The following SLC2A13 variants were observed in gnomAD, a reference collection of about 807,000 sequenced individuals.
SLC2A13 encodes the protein solute carrier family 2 member 13.
Under a neutral mutation model 64.4 loss-of-function variants are expected in SLC2A13, and 32 were observed. The observed-to-expected ratio is 0.50, with a 90% confidence interval of 0.37 to 0.67. The LOEUF is 0.67. SLC2A13 is among the 30% of genes least tolerant of loss of function. The probability of loss-of-function intolerance (pLI) is 0.00; values close to 1 mark genes in which losing one functional copy is unlikely to be tolerated. For missense variants in SLC2A13, 743 were observed against 829.2 expected (o/e 0.90, Z 1.28); for synonymous variants, 338 against 327.1 (o/e 1.03, Z -0.36).
At chr12:39,847,496 G>A (rs1943350070) in intron 6 of SLC2A13, among the ~76,000 whole-genome samples, 1 of 152,144 alleles carries the variant, frequency 6.6e-6, no homozygotes, top group South Asian at 2.1e-4. Context: ...CAGCTGGGAA[G>A]AGCTGCTCTT....
At chr12:39,962,819 T>C (rs1366151243) in intron 3 of SLC2A13, among the ~76,000 whole-genome samples, 1 of 152,180 alleles carries the variant, frequency 6.6e-6, no homozygotes, top group Non-Finnish European at 1.5e-5. Context: ...ATCTTGGCCA[T>C]TTAGAAGCTG....
At chr12:39,779,718 C>G (rs371621364) in intron 7 of SLC2A13, among the ~76,000 whole-genome samples, 1 of 152,166 alleles carries the variant, frequency 6.6e-6, no homozygotes, top group Non-Finnish European at 1.5e-5. Context: ...TAATTTAAAA[C>G]GTGACTGTCT....
intron 3 of SLC2A13, among the ~76,000 whole-genome samples, chr12:40,014,354 G>A (rs576730901): frequency 6.6e-6 from 1 of 152,180 alleles, no homozygotes; most frequent in South Asian, 2.1e-4. Flanking sequence ...AAAAGAGGAA[G>A]GTTTTCCAAC....
intron 7 of SLC2A13, among the ~76,000 whole-genome samples, chr12:39,828,312 C>G (rs1169238184): frequency 6.6e-6 from 1 of 151,918 alleles, no homozygotes; most frequent in Non-Finnish European, 1.5e-5. Context: ...ATGCTGTGAA[C>G]ATCATTTTTT....
At chr12:40,042,083 C>A (rs910300431) in intron 2 of SLC2A13, among the ~76,000 whole-genome samples, 4 of 152,210 alleles carry the variant, frequency 2.6e-5, no homozygotes, top group African/African-American at 9.7e-5. Flanking sequence ...TCAGGAAAAT[C>A]TCTCCTATAG....
chr12:39,786,017 C>T (rs1941171367), intron 7 of SLC2A13, among the ~76,000 whole-genome samples: 1 of 152,124 alleles, frequency 6.6e-6, no homozygotes, highest in Admixed American at 6.5e-5. Context: ...AGACTTTGGA[C>T]TGTGGACTTT....
chr12:39,767,372 A>G (rs763417236), intron 7 of SLC2A13, among the ~76,000 whole-genome samples: 1 of 151,538 alleles, frequency 6.6e-6, no homozygotes, highest in Non-Finnish European at 1.5e-5. Flanking sequence ...TGCTGTAAAT[A>G]TAAGTGCTGT....
chr12:39,871,517 G>A (rs1262837457), intron 5 of SLC2A13, among the ~76,000 whole-genome samples: 3 of 150,804 alleles, frequency 2.0e-5, no homozygotes, highest in Non-Finnish European at 3.0e-5. Flanking sequence ...TTTCACTTTT[G>A]TACCTTTGAG....
chr12:40,055,287 C>T (rs17518155), intron 1 of SLC2A13, among the ~76,000 whole-genome samples: 3,466 of 152,236 alleles, frequency 0.023, 141 homozygotes, highest in African/African-American at 0.078. Flanking sequence ...TAACTAGCAA[C>T]GTCAATGGTC....
At chr12:39,944,129 A>G (rs1422875411) in intron 4 of SLC2A13, among the ~76,000 whole-genome samples, 1 of 152,216 alleles carries the variant, frequency 6.6e-6, no homozygotes, top group African/African-American at 2.4e-5. Flanking sequence ...CAGGTTATTT[A>G]ATTTCCATGT....
chr12:39,787,783 G>C (rs1048153603), intron 7 of SLC2A13, among the ~76,000 whole-genome samples: 2 of 152,098 alleles, frequency 1.3e-5, no homozygotes, highest in African/African-American at 2.4e-5. Flanking sequence ...GGAAACAGCT[G>C]GGAGACCTAC....
At chr12:40,089,707 G>A (rs181625877) in intron 1 of SLC2A13, among the ~76,000 whole-genome samples, 12 of 152,154 alleles carry the variant, frequency 7.9e-5, no homozygotes, top group Admixed American at 3.9e-4. Context: ...GTGGATTAAC[G>A]GCAATAATGC....
At chr12:39,794,645 C>G (rs1177764438) in intron 7 of SLC2A13, among the ~76,000 whole-genome samples, 1 of 152,160 alleles carries the variant, frequency 6.6e-6, no homozygotes, top group Non-Finnish European at 1.5e-5. Context: ...ACTTCACTTC[C>G]ATTTTCTGTA....
chr12:39,880,784 G>A (rs914311164), intron 4 of SLC2A13, among the ~76,000 whole-genome samples: 15 of 152,176 alleles, frequency 9.9e-5, no homozygotes, highest in African/African-American at 3.6e-4. Context: ...GCGGCCTCAG[G>A]AAAGACCAAT....
intron 7 of SLC2A13, among the ~76,000 whole-genome samples, chr12:39,820,717 TTATATATATATA>T (rs11272834): frequency 6.3e-4 from 84 of 132,576 alleles, no homozygotes; most frequent in Middle Eastern, 4.4e-3. Context: ...ATTTTTAAAT[TTATATATATATA>T]TATATATATA....
At chr12:40,053,800 G>T (rs925257487) in intron 1 of SLC2A13, among the ~76,000 whole-genome samples, 35 of 152,164 alleles carry the variant, frequency 2.3e-4, no homozygotes, top group African/African-American at 8.0e-4. Flanking sequence ...ATACGCACAT[G>T]TTAGGCACAG....
intron 3 of SLC2A13, among the ~76,000 whole-genome samples, chr12:39,978,630 C>T (rs953156735): frequency 5.9e-5 from 9 of 152,120 alleles, no homozygotes; most frequent in Non-Finnish European, 1.0e-4. Context: ...TAAAAAACGG[C>T]GCACCACGCG....
intron 6 of SLC2A13, among the ~76,000 whole-genome samples, chr12:39,848,004 G>A (rs564241113): frequency 1.3e-5 from 2 of 152,208 alleles, no homozygotes; most frequent in East Asian, 1.9e-4. Context: ...AGTACCTGGT[G>A]CATGGTTAGC....
intron 4 of SLC2A13, among the ~76,000 whole-genome samples, chr12:39,896,171 T>G (rs1944833209): frequency 6.8e-6 from 1 of 147,614 alleles, no homozygotes; most frequent in South Asian, 2.1e-4. Flanking sequence ...TATACATATA[T>G]GAATATGTAT....
Sources: gnomAD v4.1 joint callset for allele counts (sites outside exome capture counted in the v4.1 genomes callset) on GRCh38, gnomAD v4.1.1 for gene constraint, MANE v1.5 for transcripts, NCBI Gene and HGNC (gene_info 2026-07-23, HGNC 2026-07-21) for gene names.